Variants in PTPRM observed in about 807,000 individuals in gnomAD.
PTPRM encodes the protein receptor-type tyrosine-protein phosphatase mu.
A neutral mutation model predicts 186.7 loss-of-function variants in PTPRM; 47 were observed. That is an observed-to-expected ratio of 0.25 (90% CI 0.20 to 0.32). The LOEUF (loss-of-function observed/expected upper bound fraction) is 0.32, where lower values mean the gene tolerates loss of function less well. Among genes scored for constraint, PTPRM ranks in the 10% least tolerant of loss-of-function variants. The pLI, the probability that PTPRM is intolerant of heterozygous loss-of-function variation, is 1.00. For synonymous variants in PTPRM, 668 were observed against 674.9 expected (o/e 0.99, Z 0.16); for missense variants, 1,494 against 1,865.0 (o/e 0.80, Z 3.66).
At chr18:7,710,223 G>T (rs2040183814) in intron 1 of PTPRM, among the ~76,000 whole-genome samples, 2 of 152,188 alleles carry the variant, frequency 1.3e-5, no homozygotes. Flanking sequence ...TCATACCAGG[G>T]ATGCAGGGAT....
At position 7,798,186 on chromosome 18, in the gene PTPRM, G is replaced by C. The variant is rs78383440; in HGVS notation, c.196+23915G>C. Among the ~76,000 whole-genome samples the C allele has an allele frequency of 2.2e-3, 341 of 152,262 alleles. 2 individuals carry two copies. Among genetic ancestry groups the C allele is most frequent in the African/African-American group, 7.8e-3 (325 of 41,548 alleles). ...TAGTTCAAAAATCTCATGGAGATTG[G>C]TAGCACAACAATGTGAACATACTTA... is the stretch of plus-strand genomic sequence containing the variant. On this transcript the variant is annotated intron_variant, in intron 2 of 32. Transcript: ENST00000580170.
intron 2 of PTPRM, among the ~76,000 whole-genome samples, chr18:7,795,696 T>C (rs1434422434): frequency 2.0e-5 from 3 of 152,166 alleles, no homozygotes; most frequent in Non-Finnish European, 4.4e-5. Flanking sequence ...CCATCCCTCT[T>C]TGAGGTATTT....
chr18:8,299,788 A>G (rs1373148925), intron 20 of PTPRM, among the ~76,000 whole-genome samples: 1 of 152,190 alleles, frequency 6.6e-6, no homozygotes, highest in African/African-American at 2.4e-5. Context: ...GACAGTACAG[A>G]AACAGATGGG....
Position 7,936,845 on chromosome 18 carries a change from G to A in PTPRM, c.663+10162G>A, listed in dbSNP as rs75989162. Among the ~76,000 whole-genome samples the A allele has an allele frequency of 7.1e-3, 1,087 of 152,152 alleles. 49 individuals are homozygous for A. The East Asian group carries it at 0.12, about 17-fold the overall frequency. On this transcript the variant is annotated intron_variant, in intron 5 of 32. Coordinates refer to ENST00000580170, the MANE Select transcript of PTPRM (RefSeq NM_001105244.2). ...GAAATCCATGGACTCAGCCAGACTC[G>A]AGCACTCAGGCCGACCTGCCTGGAG...
intron 2 of PTPRM, among the ~76,000 whole-genome samples, chr18:7,804,851 T>A (rs965405789): frequency 6.6e-6 from 1 of 152,342 alleles, no homozygotes; most frequent in African/African-American, 2.4e-5. Context: ...CATCACATTA[T>A]CTTCATTAAA....
chr18:8,015,247 T>G (rs914149710), intron 7 of PTPRM, among the ~76,000 whole-genome samples: 18 of 152,212 alleles, frequency 1.2e-4, no homozygotes, highest in African/African-American at 4.1e-4. Flanking sequence ...CATGCTACAG[T>G]GGCCTACTGT....
intron 2 of PTPRM, among the ~76,000 whole-genome samples, chr18:7,844,629 T>C (rs1449037912): frequency 2.0e-5 from 3 of 152,132 alleles, no homozygotes; most frequent in Non-Finnish European, 4.4e-5. Flanking sequence ...CTTGACAAGG[T>C]CTCAGTCCTA....
intron 1 of PTPRM, among the ~76,000 whole-genome samples, chr18:7,601,586 C>T (rs766462263): frequency 2.2e-4 from 34 of 152,222 alleles, no homozygotes; most frequent in Non-Finnish European, 4.3e-4. Flanking sequence ...CTTCACATCA[C>T]CTTCTCCTCT....
intron 1 of PTPRM, among the ~76,000 whole-genome samples, chr18:7,650,704 C>T (rs2038680572): frequency 6.6e-6 from 1 of 151,842 alleles, no homozygotes; most frequent in Non-Finnish European, 1.5e-5. Flanking sequence ...AACCACCTTA[C>T]AGTATGCTGT....
intron 1 of PTPRM, among the ~76,000 whole-genome samples, chr18:7,647,220 G>A (rs979499089): frequency 6.6e-6 from 1 of 152,138 alleles, no homozygotes; most frequent in African/African-American, 2.4e-5. Flanking sequence ...GATGAAATAT[G>A]AATCAATAGT....
intron 2 of PTPRM, among the ~76,000 whole-genome samples, chr18:7,869,844 C>A (rs2047899179): frequency 6.6e-6 from 1 of 152,162 alleles, no homozygotes; most frequent in Non-Finnish European, 1.5e-5. Context: ...CACTTGATGT[C>A]TGACCACATG....
At chr18:7,964,316 T>C (rs553430558) in intron 7 of PTPRM, among the ~76,000 whole-genome samples, 1 of 152,236 alleles carries the variant, frequency 6.6e-6, no homozygotes, top group Non-Finnish European at 1.5e-5. Context: ...CCTGGGAAAC[T>C]TCTTTCACTT....
At chr18:8,300,903 G>A (rs1305081841) in intron 20 of PTPRM, among the ~76,000 whole-genome samples, 1 of 152,086 alleles carries the variant, frequency 6.6e-6, no homozygotes, top group African/African-American at 2.4e-5. Context: ...GTTTGCTGTT[G>A]CTTCCTGTAC....
At chr18:7,993,436 T>G (rs75707567) in intron 7 of PTPRM, among the ~76,000 whole-genome samples, 2,244 of 152,214 alleles carry the variant, frequency 0.015, 57 homozygotes, top group African/African-American at 0.051. Flanking sequence ...ATAGTTAAAC[T>G]GTCAAAAGTT....
chr18:7,886,650 C>G (rs977815128), intron 2 of PTPRM, among the ~76,000 whole-genome samples: 3 of 152,082 alleles, frequency 2.0e-5, no homozygotes, highest in Non-Finnish European at 4.4e-5. Context: ...CTCAGAAGCT[C>G]AAAGTTCTGG....
intron 14 of PTPRM, among the ~76,000 whole-genome samples, chr18:8,237,029 G>A (rs1335714479): frequency 6.6e-6 from 1 of 151,388 alleles, no homozygotes; most frequent in Non-Finnish European, 1.5e-5. Flanking sequence ...TTAATGTTTT[G>A]TTACTTTTTT....
intron 7 of PTPRM, among the ~76,000 whole-genome samples, chr18:8,056,143 AT>A (rs1175386184): frequency 6.6e-6 from 1 of 152,184 alleles, no homozygotes; most frequent in Non-Finnish European, 1.5e-5. Flanking sequence ...AATTTATCTA[AT>A]TATTTGATGA....
intron 1 of PTPRM, among the ~76,000 whole-genome samples, chr18:7,625,863 C>T (rs1196209393): frequency 6.6e-6 from 1 of 152,180 alleles, no homozygotes; most frequent in Non-Finnish European, 1.5e-5. Context: ...AGATAGACTT[C>T]CTCTGTCTCT....
intron 1 of PTPRM, among the ~76,000 whole-genome samples, chr18:7,599,988 A>C (rs956891056): frequency 3.9e-4 from 59 of 151,946 alleles, no homozygotes; most frequent in Non-Finnish European, 8.7e-4. Flanking sequence ...TTCTCCTGTA[A>C]TGCACCCTGC....
Sources: allele counts gnomAD v4.1 joint callset (sites outside exome capture counted in the v4.1 genomes callset), GRCh38; gene constraint gnomAD v4.1.1; transcripts MANE v1.5; gene names NCBI Gene and HGNC (gene_info 2026-07-23, HGNC 2026-07-21).